Variants in MED9 observed in about 807,000 individuals in gnomAD.
MED9 encodes mediator complex subunit 9.
MED9 carries 8 observed loss-of-function variants against 13.2 expected under a neutral mutation model. That is an observed-to-expected ratio of 0.61 (90% CI 0.36 to 1.10). The LOEUF is 1.10. Ranked by LOEUF, MED9 falls within the 50% of genes least tolerant of loss-of-function variation. The pLI is 0.02. For missense variants in MED9, 180 were observed against 193.4 expected (o/e 0.93, Z 0.41); for synonymous variants, 87 against 82.8 (o/e 1.05, Z -0.28).
Position 17,491,546 on chromosome 17 carries a change from C to A in MED9, c.*51C>A, listed in dbSNP as rs762045033. 5 of 1,505,240 alleles carry A rather than the reference C, an allele frequency of 3.3e-6. No homozygotes were observed. In the Admixed American group the frequency reaches 5.0e-5, roughly 15 times the overall value. 93.2% of individuals were successfully genotyped at this position (1,505,240 alleles called of 1,614,324 possible). A position where few individuals can be genotyped will look rare whatever the true frequency, so the allele number is the denominator to read the frequency against. On this transcript the variant is annotated 3_prime_UTR_variant, in exon 2 of 2. Coordinates refer to ENST00000268711, the MANE Select transcript of MED9 (RefSeq NM_018019.3). ...GGGGGAAGCCAATGGCCTGTCTCCC[C>A]ACTACCATCCCCAAACGCTCCTTGG...
intron 1 of MED9, chr17:17,486,899 G>A (rs1905141670): frequency 6.6e-6 from 1 of 151,608 alleles, no homozygotes; most frequent in African/African-American, 2.4e-5. Context: ...TTTAGCTCAA[G>A]GTTTGTGAGT....
In MED9 at chr17:17,483,405, G is replaced by A. The variant is rs1365423849; in HGVS notation, c.224+6140G>A. Among the ~76,000 whole-genome samples, 3 of 152,114 alleles carry A rather than the reference G, an allele frequency of 2.0e-5. No homozygotes were observed. Among genetic ancestry groups the A allele is most frequent in the Non-Finnish European group, 4.4e-5 (3 of 68,024 alleles). On this transcript the variant is annotated intron_variant, in intron 1 of 1. Coordinates refer to ENST00000268711, the MANE Select transcript of MED9 (RefSeq NM_018019.3). This position sits in a 1 kb window ranked among gnomAD's most constrained non-coding sequence, Gnocchi z 4.2. ...TTGCTGCAGGTGCTGTTGGGTGGGCGGAGTCCTCCAGGCTGGCAGACCCTC... is the reference window on the plus strand; with the variant it reads ...TTGCTGCAGGTGCTGTTGGGTGGGCAGAGTCCTCCAGGCTGGCAGACCCTC...
At chr17:17,488,679 C>A (rs1905179540) in intron 1 of MED9, among the ~76,000 whole-genome samples, 1 of 152,096 alleles carries the variant, frequency 6.6e-6, no homozygotes, top group South Asian at 2.1e-4. Flanking sequence ...ACTAAAAATA[C>A]AAAATTAGCC....
intron 1 of MED9, chr17:17,477,671 C>T (rs969201944): frequency 1.7e-4 from 28 of 164,608 alleles, no homozygotes; most frequent in Non-Finnish European, 3.5e-4. Context: ...CCAAGTGCTA[C>T]GGGATGGACG....
chr17:17,478,292 C>A (rs978918919), intron 1 of MED9, among the ~76,000 whole-genome samples: 8 of 152,204 alleles, frequency 5.3e-5, no homozygotes, highest in Non-Finnish European at 1.0e-4. Flanking sequence ...TCTTACTCAA[C>A]CATTAAAGAC....
At chr17:17,479,998 T>C (rs554481047) in intron 1 of MED9, among the ~76,000 whole-genome samples, 2 of 152,200 alleles carry the variant, frequency 1.3e-5, no homozygotes, top group Admixed American at 1.3e-4. Flanking sequence ...GGAAGATTAC[T>C]TGGAAGTCTG....
At chr17:17,480,203 C>A (rs1380076364) in intron 1 of MED9, among the ~76,000 whole-genome samples, 1 of 152,068 alleles carries the variant, frequency 6.6e-6, no homozygotes, top group African/African-American at 2.4e-5. Flanking sequence ...GGGAGCCATA[C>A]TGAAAAGAGG....
At chr17:17,481,191 C>T (rs1202457939) in intron 1 of MED9, among the ~76,000 whole-genome samples, 1 of 152,102 alleles carries the variant, frequency 6.6e-6, no homozygotes, top group Admixed American at 6.5e-5. Context: ...ACAGTACTGG[C>T]GGGTGGAGAT....
chr17:17,489,925 T>A (rs1305635641), intron 1 of MED9, among the ~76,000 whole-genome samples: 1 of 152,236 alleles, frequency 6.6e-6, no homozygotes, highest in Non-Finnish European at 1.5e-5. Context: ...TCTGCCTGCG[T>A]AAGCAGAGAA....
intron 1 of MED9, 152 bp downstream of exon 1, chr17:17,477,417 G>A (rs1221199220): frequency 1.5e-5 from 12 of 775,586 alleles, no homozygotes; most frequent in Admixed American, 3.1e-5. Flanking sequence ...CCTTTCCCAA[G>A]ACCACAGAGA....
At position 17,491,920 on chromosome 17, in the gene MED9, G is replaced by GTA. The variant is rs1458896647; in HGVS notation, c.*426_*427dup. 2 of 243,534 alleles carry GTA rather than the reference G, an allele frequency of 8.2e-6. No individual in the cohort carries two copies. Among genetic ancestry groups the GTA allele is most frequent in the Non-Finnish European group, 1.6e-5 (2 of 122,424 alleles). 15.1% of individuals were successfully genotyped at this position (243,534 alleles called of 1,614,324 possible). A position where few individuals can be genotyped will look rare whatever the true frequency, so the allele number is the denominator to read the frequency against. ...CCTCCCACCCCCATAGGATCAGTGT[G>GTA]TACCAGGTACACATTGTTCCTGTTA... On this transcript the variant is annotated 3_prime_UTR_variant, in exon 2 of 2. Coordinates refer to ENST00000268711, the MANE Select transcript of MED9 (RefSeq NM_018019.3).
Position 17,477,092 on chromosome 17 carries a change from G to C in MED9, c.51G>C (p.Pro17=). ...AAGRQAEDVL[P]PTSDQPLPDT... ...GGCGACAGGCGGAGGATGTATTGCC[G>C]CCAACGTCCGACCAGCCGCTGCCTG... The change falls in exon 1 of 2, where the codon CCG becomes CCC. Residue 17 remains proline (P), a synonymous_variant. Coordinates refer to ENST00000268711, the MANE Select transcript of MED9 (RefSeq NM_018019.3). 3 of 1,606,664 alleles carry C rather than the reference G, an allele frequency of 1.9e-6. No individual in the cohort carries two copies. The highest frequency in any genetic ancestry group is 2.5e-6 in the Non-Finnish European group (3 of 1,179,244).
rs146818945 is a variant in MED9 at position 17,490,360 on chromosome 17, G to A, written c.225-919G>A. On this transcript the variant is annotated intron_variant, in intron 1 of 1. Transcript: ENST00000268711. ...CTGAGGCAGGAGAATTGCTTGAACCGGGACCCGGGAGGTGGAGGTTGCAGT... is the reference window on the plus strand; with the variant it reads ...CTGAGGCAGGAGAATTGCTTGAACCAGGACCCGGGAGGTGGAGGTTGCAGT... Among the ~76,000 whole-genome samples the A allele has an allele frequency of 3.1e-3, 469 of 152,244 alleles. 1 individual carries two copies. The highest frequency in any genetic ancestry group is 0.011 in the African/African-American group (457 of 41,546).
chr17:17,480,191 G>A (rs937628199), intron 1 of MED9, among the ~76,000 whole-genome samples: 23 of 152,124 alleles, frequency 1.5e-4, no homozygotes, highest in Non-Finnish European at 4.4e-5. Context: ...GGGGTAGGTA[G>A]GGGGAGCCAT....
chr17:17,488,386 AAG>A (rs1207943279), intron 1 of MED9: 3 of 152,264 alleles, frequency 2.0e-5, no homozygotes, highest in African/African-American at 7.2e-5. Context: ...AAGAAGAACA[AAG>A]AAAATCAGGG....
chr17:17,488,155 G>C (rs1905170003), intron 1 of MED9: 1 of 152,406 alleles, frequency 6.6e-6, no homozygotes, highest in Admixed American at 6.5e-5. Context: ...GTGGGCAGAG[G>C]AATGGACTGG....
intron 1 of MED9, among the ~76,000 whole-genome samples, chr17:17,478,252 A>T (rs1416368472): frequency 6.6e-6 from 1 of 152,266 alleles, no homozygotes; most frequent in Non-Finnish European, 1.5e-5. Flanking sequence ...TATCCACGTG[A>T]TACTAGGTGT....
intron 1 of MED9, among the ~76,000 whole-genome samples, chr17:17,482,849 T>C: frequency 6.6e-6 from 1 of 152,258 alleles, no homozygotes. Context: ...GAATATTTGT[T>C]ATTTTCCCTG....
chr17:17,489,250 T>C (rs1905189638), intron 1 of MED9, among the ~76,000 whole-genome samples: 2 of 152,224 alleles, frequency 1.3e-5, no homozygotes, highest in Non-Finnish European at 2.9e-5. Context: ...TTTTTTATTA[T>C]CTGAAGACTG....
Sources: gnomAD v4.1 joint callset for allele counts (sites outside exome capture counted in the v4.1 genomes callset) on GRCh38, gnomAD v4.1.1 for gene constraint, Gnocchi (gnomAD v3.1) non-coding constraint, MANE v1.5 for transcripts, NCBI Gene and HGNC (gene_info 2026-07-23, HGNC 2026-07-21) for gene names.